USP32: variants seen among roughly 807,000 people sequenced by gnomAD.
USP32 encodes the protein ubiquitin carboxyl-terminal hydrolase 32.
Under a neutral mutation model 204.8 loss-of-function variants are expected in USP32, and 59 were observed. The observed-to-expected ratio is 0.29, with a 90% CI of 0.23 to 0.36. The LOEUF is 0.36. Among genes scored for constraint, USP32 ranks in the 10% least tolerant of loss-of-function variants. USP32 has a pLI of 1.00. For missense variants in USP32, 1,160 were observed against 1,946.4 expected, an observed-to-expected ratio of 0.60 and a Z score of 7.60; for synonymous variants, 517 against 678.4, an observed-to-expected ratio of 0.76 and a Z score of 3.70.
intron 1 of USP32, among the ~76,000 whole-genome samples, chr17:60,418,437 T>G (rs1188860891): frequency 2.0e-5 from 3 of 151,632 alleles, no homozygotes; most frequent in Non-Finnish European, 4.4e-5. Context: ...TTTCCTTTTT[T>G]GTATTCTACT....
intron 1 of USP32, among the ~76,000 whole-genome samples, chr17:60,415,474 C>T (rs1394856802): frequency 6.6e-6 from 1 of 152,204 alleles, no homozygotes; most frequent in African/African-American, 2.4e-5. Flanking sequence ...AGAAGGTCCA[C>T]AAGCTTAGGT....
intron 2 of USP32, among the ~76,000 whole-genome samples, chr17:60,332,491 TA>T (rs944291159): frequency 2.7e-5 from 4 of 148,324 alleles, no homozygotes; most frequent in African/African-American, 1.0e-4. Flanking sequence ...CTACTAAAAA[TA>T]AAAAAATTAG....
rs539301600 is a variant in USP32 at position 60,421,732 on chromosome 17, C to T, written c.106+514G>A. ...CCCTGCCCGGCCAACTCAGACTACA[C>T]CCGGACTCTGCCCACCGCGTTTCCG... is the stretch of plus-strand genomic sequence containing the variant. On this transcript the variant is annotated intron_variant, in intron 1 of 3. Transcript: ENST00000588898. 4.1e-5 allele frequency: 33 copies of T among 798,482 alleles called. 1 individual carries two copies. In the South Asian group the frequency reaches 1.5e-3, roughly 37 times the overall value. The allele number at this position is 798,482 out of a possible 1,614,324, so 49.5% of individuals were successfully genotyped here.
chr17:60,204,786 CT>C (rs2084780442), intron 26 of USP32, among the ~76,000 whole-genome samples: 1 of 150,586 alleles, frequency 6.6e-6, no homozygotes, highest in African/African-American at 2.4e-5. Context: ...TTCTTTCTTT[CT>C]TTTCTTTTTC....
intron 27 of USP32, among the ~76,000 whole-genome samples, chr17:60,196,519 T>G (rs1408062854): frequency 6.6e-6 from 1 of 152,176 alleles, no homozygotes; most frequent in East Asian, 1.9e-4. Context: ...CTTTAAACAA[T>G]TATTTATTTA....
intron 2 of USP32, among the ~76,000 whole-genome samples, chr17:60,302,113 G>A (rs7209696): frequency 0.11 from 15,103 of 141,646 alleles, 2,638 homozygotes; most frequent in African/African-American, 0.4. Context: ...TATTTTGTTT[G>A]TTTATTTATT....
chr17:60,235,105 T>C (rs2085686940), intron 12 of USP32, among the ~76,000 whole-genome samples: 1 of 152,210 alleles, frequency 6.6e-6, no homozygotes, highest in South Asian at 2.1e-4. Context: ...GAGTAAGATC[T>C]CTATTGTGTT....
chr17:60,369,734 T>C (rs1385764319), intron 1 of USP32, among the ~76,000 whole-genome samples: 1 of 152,042 alleles, frequency 6.6e-6, no homozygotes, highest in African/African-American at 2.4e-5. Context: ...AAGGTACTTA[T>C]TAAGTTCTAC....
intron 1 of USP32, among the ~76,000 whole-genome samples, chr17:60,349,640 AT>A (rs2088897858): frequency 9.1e-6 from 1 of 109,774 alleles, no homozygotes; most frequent in Non-Finnish European, 1.6e-5. Context: ...ATATATATAT[AT>A]ATTATATATA....
In USP32 at chr17:60,401,498, A is replaced by G. The variant is rs565548854; in HGVS notation, c.106+20748T>C. Among the ~76,000 whole-genome samples the G allele has an allele frequency of 2.0e-5, 3 of 152,276 alleles. No individual in the cohort carries two copies. The East Asian group carries it at 5.8e-4, about 29-fold the overall frequency. ...TGTAATTTGGGGGCTATCAATGTGC[A>G]ATACTTGACAGGAAGTTCTGGGCAC... is the stretch of plus-strand genomic sequence containing the variant. On this transcript the variant is annotated intron_variant, in intron 1 of 3. Transcript: ENST00000588898.
intron 2 of USP32, among the ~76,000 whole-genome samples, chr17:60,306,796 AC>A (rs1274683834): frequency 1.3e-5 from 2 of 152,206 alleles, no homozygotes; most frequent in East Asian, 3.8e-4. Context: ...TAAAGATTCC[AC>A]CAAAAAACTG....
chr17:60,265,296 A>G (rs1252868654), intron 9 of USP32, 116 bp downstream of exon 9: 1 of 626,680 alleles, frequency 1.6e-6, no homozygotes, highest in Non-Finnish European at 2.7e-6. Flanking sequence ...ACAGGTCCAG[A>G]TAAGTACTTG....
At chr17:60,220,330 T>C (rs1195312914) in intron 15 of USP32, among the ~76,000 whole-genome samples, 1 of 152,188 alleles carries the variant, frequency 6.6e-6, no homozygotes. Flanking sequence ...TTCGTTAATA[T>C]GAAGAGTATT....
At position 60,409,683 on chromosome 17, in the gene USP32, C is replaced by T. The variant is rs940825071; in HGVS notation, c.106+12563G>A. 2.6e-5 allele frequency among the ~76,000 whole-genome samples: 4 copies of T among 152,174 alleles called. 1 individual carries two copies. Among genetic ancestry groups the T allele is most frequent in the African/African-American group, 9.7e-5 (4 of 41,446 alleles). On this transcript the variant is annotated intron_variant, in intron 1 of 3. Transcript: ENST00000588898. ...TTCTAACCTCAAAGCCACCCTTGTT[C>T]ATTTCCCAGCATAGGCCAAACTAAC... is the stretch of plus-strand genomic sequence containing the variant.
At chr17:60,406,524 T>C (rs564440866) in intron 1 of USP32, among the ~76,000 whole-genome samples, 2 of 151,940 alleles carry the variant, frequency 1.3e-5, no homozygotes, top group Non-Finnish European at 2.9e-5. Context: ...TGCTTTTTTT[T>C]CTCTTTTTTG....
chr17:60,375,669 T>C (rs1467229458), intron 1 of USP32, among the ~76,000 whole-genome samples: 3 of 152,214 alleles, frequency 2.0e-5, no homozygotes, highest in East Asian at 1.9e-4. Context: ...AGTGGCACGA[T>C]CTTGGCTCAC....
chr17:60,376,916 C>T (rs2089556309), intron 1 of USP32, among the ~76,000 whole-genome samples: 1 of 152,170 alleles, frequency 6.6e-6, no homozygotes, highest in Admixed American at 6.5e-5. Flanking sequence ...TAAAATGCCA[C>T]TGCCCAGAGA....
Position 60,337,989 on chromosome 17 carries a change from A to C in USP32, c.186+7492T>G, listed in dbSNP as rs143597863. 3.6e-3 allele frequency among the ~76,000 whole-genome samples: 541 copies of C among 152,310 alleles called. 2 individuals are homozygous for C. The highest frequency in any genetic ancestry group is 0.012 in the African/African-American group (496 of 41,572). ...CTACAGATTCAGGCTTTAATGCTTG[A>C]AAGAGAGTTTAGGATAAGAGAAAAA... On this transcript the variant is annotated intron_variant, in intron 2 of 33. Transcript: ENST00000300896.
chr17:60,202,261 G>A (rs536915540), intron 26 of USP32, among the ~76,000 whole-genome samples: 1 of 152,008 alleles, frequency 6.6e-6, no homozygotes, highest in African/African-American at 2.4e-5. Context: ...TATCCCAATG[G>A]TCTACTTGTC....
Sources: allele counts gnomAD v4.1 joint callset (sites outside exome capture counted in the v4.1 genomes callset), GRCh38; gene constraint gnomAD v4.1.1; transcripts MANE v1.5; gene names NCBI Gene and HGNC (gene_info 2026-07-23, HGNC 2026-07-21).